The following KALRN variants were observed in gnomAD, a reference collection of about 807,000 sequenced individuals.
The protein encoded by KALRN is kalirin.
KALRN carries 70 observed loss-of-function variants against 353.7 expected under a neutral mutation model. The ratio of observed to expected loss-of-function variants is 0.20; its 90% confidence interval spans 0.16 to 0.24. The LOEUF is 0.24. Among genes scored for constraint, KALRN ranks in the 10% least tolerant of loss-of-function variants. KALRN has a pLI of 1.00. For missense variants in KALRN, 2,791 were observed against 3,756.7 expected (o/e 0.74, Z 6.72); for synonymous variants, 1,391 against 1,434.8 (o/e 0.97, Z 0.69).
intron 21 of KALRN, 118 bp downstream of exon 21, chr3:124,447,003 G>C: frequency 1.7e-6 from 2 of 1,169,926 alleles, no homozygotes; most frequent in Non-Finnish European, 2.4e-6. Context: ...ACAGTGGCAA[G>C]GGGGGAAGCA....
At chr3:124,337,457 G>A (rs539603043) in intron 9 of KALRN, among the ~76,000 whole-genome samples, 11 of 152,276 alleles carry the variant, frequency 7.2e-5, no homozygotes, top group African/African-American at 1.9e-4. Context: ...ATTGATTTGC[G>A]TATGTTGAAC....
At chr3:124,114,363 G>A (rs1015592104) in intron 1 of KALRN, among the ~76,000 whole-genome samples, 1 of 152,152 alleles carries the variant, frequency 6.6e-6, no homozygotes, top group African/African-American at 2.4e-5. Context: ...TGAGCCCTGA[G>A]GAGAGGAACC....
chr3:124,186,746 T>C (rs1292228102), intron 1 of KALRN, among the ~76,000 whole-genome samples: 1 of 152,206 alleles, frequency 6.6e-6, no homozygotes, highest in Non-Finnish European at 1.5e-5. Context: ...GAATCATTCC[T>C]TTCAGTTCAA....
chr3:124,499,967 T>C (rs970639492), intron 33 of KALRN, among the ~76,000 whole-genome samples: 14 of 152,202 alleles, frequency 9.2e-5, no homozygotes, highest in Admixed American at 2.6e-4. Flanking sequence ...CTACATAAAA[T>C]GGGTCCTATA....
intron 2 of KALRN, among the ~76,000 whole-genome samples, chr3:124,234,072 G>A (rs558553340): frequency 2.6e-5 from 4 of 152,300 alleles, no homozygotes; most frequent in African/African-American, 7.2e-5. Flanking sequence ...CCTTCTAATA[G>A]CAACAGAAAT....
intron 33 of KALRN, among the ~76,000 whole-genome samples, chr3:124,513,615 G>A (rs1225001012): frequency 6.6e-6 from 1 of 152,098 alleles, no homozygotes; most frequent in East Asian, 1.9e-4. Flanking sequence ...TTTCTAAATT[G>A]GAAACAAACA....
At chr3:124,579,596 A>G (rs2074432075) in intron 34 of KALRN, among the ~76,000 whole-genome samples, 1 of 152,184 alleles carries the variant, frequency 6.6e-6, no homozygotes, top group Admixed American at 6.5e-5. Context: ...AAGGTCCAGG[A>G]ATAAAGCTTT....
intron 1 of KALRN, among the ~76,000 whole-genome samples, chr3:124,095,536 A>G (rs1370141549): frequency 6.6e-6 from 1 of 152,196 alleles, no homozygotes; most frequent in Non-Finnish European, 1.5e-5. Context: ...ATTACTACCT[A>G]TCCTGAGGAT....
intron 1 of KALRN, among the ~76,000 whole-genome samples, chr3:124,151,098 G>A (rs979506517): frequency 2.0e-5 from 3 of 152,098 alleles, no homozygotes; most frequent in Non-Finnish European, 4.4e-5. Flanking sequence ...CAAGGTATTT[G>A]GGTTGTTTCC....
chr3:124,585,394 G>T (rs1213258773), intron 34 of KALRN, among the ~76,000 whole-genome samples: 3 of 152,212 alleles, frequency 2.0e-5, no homozygotes, highest in Admixed American at 2.0e-4. Flanking sequence ...CAATTTTCTC[G>T]TGGGACTGGA....
At chr3:124,424,125 G>A (rs1350688192) in intron 15 of KALRN, among the ~76,000 whole-genome samples, 1 of 152,182 alleles carries the variant, frequency 6.6e-6, no homozygotes, top group South Asian at 2.1e-4. Flanking sequence ...ACCCTGAGGA[G>A]AGAACACACC....
At chr3:124,488,558 C>T (rs2062810941) in intron 29 of KALRN, 4 of 475,766 alleles carry the variant, frequency 8.4e-6, no homozygotes, top group Non-Finnish European at 1.5e-5. Flanking sequence ...ATGTTGCTGC[C>T]CATGAGACAG....
chr3:124,467,401 T>C (rs2107809135), intron 25 of KALRN, among the ~76,000 whole-genome samples: 1 of 152,250 alleles, frequency 6.6e-6, no homozygotes, highest in Non-Finnish European at 1.5e-5. Context: ...GAATGACATA[T>C]CTGTCTGCAA....
chr3:124,240,120 G>T (rs1284837475), intron 3 of KALRN, among the ~76,000 whole-genome samples: 1 of 152,116 alleles, frequency 6.6e-6, no homozygotes, highest in Non-Finnish European at 1.5e-5. Flanking sequence ...TGTCCCTATT[G>T]TTGGCTATAT....
In KALRN at chr3:124,074,058, T is replaced by G. The variant is rs374004100; in HGVS notation, c.73+40245T>G. Reference sequence around the variant, plus strand: ...AGTGTTGCAATGCCTCTTACCAGGTTGGAGGTAGTAGGACAAGCAGACTAG... The same window carrying G: ...AGTGTTGCAATGCCTCTTACCAGGTGGGAGGTAGTAGGACAAGCAGACTAG... On this transcript the variant is annotated intron_variant, in intron 1 of 59. Transcript: ENST00000682506. 7.9e-5 allele frequency among the ~76,000 whole-genome samples: 12 copies of G among 151,740 alleles called. 1 individual carries two copies. The South Asian group carries it at 2.5e-3, about 32-fold the overall frequency.
chr3:124,165,786 T>C (rs1352798189), intron 1 of KALRN, among the ~76,000 whole-genome samples: 1 of 152,244 alleles, frequency 6.6e-6, no homozygotes, highest in Non-Finnish European at 1.5e-5. Context: ...TTGGGCTTAA[T>C]GCCCACCCCT....
intron 51 of KALRN, among the ~76,000 whole-genome samples, chr3:124,686,111 T>A (rs12639478): frequency 0.16 from 24,138 of 152,208 alleles, 2,415 homozygotes; most frequent in Middle Eastern, 0.28. Context: ...CAGGTATAAA[T>A]AAATGCCCAT....
chr3:124,570,989 T>C (rs1299003132), intron 34 of KALRN, among the ~76,000 whole-genome samples: 2 of 152,204 alleles, frequency 1.3e-5, no homozygotes, highest in East Asian at 3.9e-4. Context: ...TGTTGGATTT[T>C]AGTGTAATTC....
intron 4 of KALRN, among the ~76,000 whole-genome samples, chr3:124,265,656 A>G (rs865965856): frequency 2.6e-5 from 4 of 152,148 alleles, no homozygotes; most frequent in African/African-American, 7.2e-5. Context: ...GCCAGGTAAA[A>G]TTGCAAACAA....
Sources: allele counts gnomAD v4.1 joint callset (sites outside exome capture counted in the v4.1 genomes callset), GRCh38; gene constraint gnomAD v4.1.1; transcripts MANE v1.5; gene names NCBI Gene and HGNC (gene_info 2026-07-23, HGNC 2026-07-21).